TRIM9: variants seen among roughly 807,000 people sequenced by gnomAD.
TRIM9 encodes the protein tripartite motif containing 9, also known as E3 ubiquitin-protein ligase TRIM9.
Under a neutral mutation model 78.3 loss-of-function variants are expected in TRIM9, and 26 were observed. That is an observed-to-expected ratio of 0.33 (90% CI 0.24 to 0.46). The LOEUF (loss-of-function observed/expected upper bound fraction) is 0.46. TRIM9 is among the 20% of genes least tolerant of loss of function. The pLI is 1.00. For synonymous variants in TRIM9, 398 were observed against 416.5 expected, an observed-to-expected ratio of 0.96 and a Z score of 0.54; for missense variants, 787 against 1,036.4, an observed-to-expected ratio of 0.76 and a Z score of 3.30.
At chr14:50,992,492 G>C (rs1269823813) in intron 7 of TRIM9, among the ~76,000 whole-genome samples, 2 of 151,906 alleles carry the variant, frequency 1.3e-5, no homozygotes, top group Non-Finnish European at 2.9e-5. Context: ...AGGATCACTT[G>C]AGCCCAGGAG....
intron 1 of TRIM9, among the ~76,000 whole-genome samples, chr14:51,061,455 A>C (rs1026018874): frequency 6.7e-6 from 1 of 150,286 alleles, no homozygotes; most frequent in African/African-American, 2.4e-5. Flanking sequence ...TTTTTATTGT[A>C]AGGATATACA....
intron 1 of TRIM9, among the ~76,000 whole-genome samples, chr14:51,048,815 T>G (rs550472212): frequency 6.6e-6 from 1 of 151,944 alleles, no homozygotes. Context: ...AAACCCCATC[T>G]CCACTAAAAA....
chr14:50,985,894 C>G, intron 8 of TRIM9, 62 bp downstream of exon 8: 1 of 1,337,382 alleles, frequency 7.5e-7, no homozygotes, highest in Non-Finnish European at 9.8e-7. Context: ...ACAAGACACG[C>G]GTTTCAGAGA....
intron 1 of TRIM9, among the ~76,000 whole-genome samples, chr14:51,077,597 T>C (rs1168355861): frequency 5.3e-5 from 8 of 152,076 alleles, no homozygotes; most frequent in African/African-American, 1.9e-4. Context: ...TTTCGCCATG[T>C]TGACCAGGCT....
intron 1 of TRIM9, among the ~76,000 whole-genome samples, chr14:51,086,568 G>A (rs1202510602): frequency 6.6e-6 from 1 of 152,124 alleles, no homozygotes; most frequent in Non-Finnish European, 1.5e-5. Context: ...GTACAGAAAC[G>A]GAGTAAAAGA....
At chr14:51,064,070 T>A (rs1010574810) in intron 1 of TRIM9, among the ~76,000 whole-genome samples, 4 of 152,134 alleles carry the variant, frequency 2.6e-5, no homozygotes, top group African/African-American at 9.6e-5. Context: ...ATATATATGA[T>A]AACAGCACAA....
intron 7 of TRIM9, among the ~76,000 whole-genome samples, chr14:50,987,643 T>C (rs1471280383): frequency 2.6e-5 from 4 of 152,210 alleles, no homozygotes; most frequent in Non-Finnish European, 1.5e-5. Flanking sequence ...AAATTATTTG[T>C]TATAATCATC....
At chr14:51,075,375 T>A (rs1048254582) in intron 1 of TRIM9, among the ~76,000 whole-genome samples, 13 of 152,330 alleles carry the variant, frequency 8.5e-5, no homozygotes, top group African/African-American at 2.9e-4. Context: ...TTAAAAAAAA[T>A]GTTTTAAAGC....
intron 7 of TRIM9, among the ~76,000 whole-genome samples, chr14:50,987,157 G>A (rs2052825975): frequency 6.6e-6 from 1 of 152,148 alleles, no homozygotes; most frequent in Non-Finnish European, 1.5e-5. Flanking sequence ...AAATCACAAA[G>A]GAACTTTCTT....
intron 3 of TRIM9, among the ~76,000 whole-genome samples, chr14:51,019,896 C>T (rs967572078): frequency 3.3e-5 from 5 of 152,180 alleles, no homozygotes; most frequent in Admixed American, 3.3e-4. Flanking sequence ...CATCTTGCCT[C>T]AGAACCAGAA....
At chr14:51,072,444 T>G (rs1394903873) in intron 1 of TRIM9, among the ~76,000 whole-genome samples, 1 of 152,140 alleles carries the variant, frequency 6.6e-6, no homozygotes, top group East Asian at 1.9e-4. Flanking sequence ...AAATATAAAT[T>G]TTTAAAATAA....
chr14:51,014,688 ATCT>A (rs1357900820), intron 3 of TRIM9, among the ~76,000 whole-genome samples: 2 of 152,168 alleles, frequency 1.3e-5, no homozygotes, highest in African/African-American at 2.4e-5. Context: ...CTTACTTGCT[ATCT>A]TCTTCAACTT....
At position 50,994,371 on chromosome 14, in the gene TRIM9, C is replaced by T. The variant is rs1354424731; in HGVS notation, c.1603+3679G>A. On this transcript the variant is annotated intron_variant, in intron 7 of 12. Transcript: ENST00000684578. Reference sequence around the variant, plus strand: ...GCAGTGAGCTATGATTGTGCCACTGCACTGCAGCCTGGGTGACAGAGTGTG... The same window carrying T: ...GCAGTGAGCTATGATTGTGCCACTGTACTGCAGCCTGGGTGACAGAGTGTG... Among the ~76,000 whole-genome samples, 11 of 152,214 alleles carry T rather than the reference C, an allele frequency of 7.2e-5. 1 individual carries two copies. Among genetic ancestry groups the T allele is most frequent in the African/African-American group, 2.7e-4 (11 of 41,464 alleles).
intron 1 of TRIM9, among the ~76,000 whole-genome samples, chr14:51,055,906 T>C (rs1349376150): frequency 6.6e-6 from 1 of 152,242 alleles, no homozygotes; most frequent in Non-Finnish European, 1.5e-5. Context: ...GATATATAAA[T>C]TCATGAGCTT....
At chr14:50,982,563 T>C (rs1023386937) in intron 10 of TRIM9, 8 of 320,166 alleles carry the variant, frequency 2.5e-5, no homozygotes, top group Admixed American at 1.8e-4. Flanking sequence ...GCAGAAGTGC[T>C]AACATCTAGT....
intron 1 of TRIM9, among the ~76,000 whole-genome samples, chr14:51,086,700 G>A (rs1357610956): frequency 6.6e-6 from 1 of 152,120 alleles, no homozygotes; most frequent in African/African-American, 2.4e-5. Flanking sequence ...GGACGCTATG[G>A]AGGAGGGTGA....
At chr14:51,069,357 A>AT (rs1031020208) in intron 1 of TRIM9, among the ~76,000 whole-genome samples, 3 of 151,828 alleles carry the variant, frequency 2.0e-5, no homozygotes, top group African/African-American at 4.8e-5. Flanking sequence ...TCTACAGGCA[A>AT]TTTTTTTTGT....
chr14:51,015,343 C>A (rs1279475584), intron 3 of TRIM9, among the ~76,000 whole-genome samples: 1 of 151,704 alleles, frequency 6.6e-6, no homozygotes, highest in African/African-American at 2.4e-5. Context: ...TGTGACACAA[C>A]CAGAAGCAAG....
rs2051145053 is a variant in TRIM9, at chr14:50,977,098, G to C, written c.*193C>G. On this transcript the variant is annotated 3_prime_UTR_variant, in exon 13 of 13. Coordinates refer to ENST00000684578, the MANE Select transcript of TRIM9 (RefSeq NM_001387360.1). ...TTGTTGGACATGGAAGCGGAAGCAGGCATGACAGCGGAGGAGAGGTTGAAA... is the reference window on the plus strand; with the variant it reads ...TTGTTGGACATGGAAGCGGAAGCAGCCATGACAGCGGAGGAGAGGTTGAAA... 2.6e-6 allele frequency: 1 copy of C among 388,176 alleles called. No individual in the cohort carries two copies. Among genetic ancestry groups the C allele is most frequent in the South Asian group, 1.4e-4 (1 of 7,300 alleles). The allele number at this position is 388,176 out of a possible 1,614,324, so 24.0% of individuals were successfully genotyped here.
Sources: gnomAD v4.1 joint callset for allele counts (sites outside exome capture counted in the v4.1 genomes callset) on GRCh38, gnomAD v4.1.1 for gene constraint, MANE v1.5 for transcripts, NCBI Gene and HGNC (gene_info 2026-07-23, HGNC 2026-07-21) for gene names.